The following COL19A1 variants were observed in gnomAD, a reference collection of about 807,000 sequenced individuals.
The protein encoded by COL19A1 is collagen alpha-1(XIX) chain.
Under a neutral mutation model 190.2 loss-of-function variants are expected in COL19A1, and 159 were observed. That is an observed-to-expected ratio of 0.84 (90% CI 0.73 to 0.95). COL19A1 has a LOEUF of 0.95. Among genes scored for constraint, COL19A1 ranks in the 40% least tolerant of loss-of-function variants. The probability of loss-of-function intolerance (pLI) is 0.00; values close to 1 mark genes in which losing one functional copy is unlikely to be tolerated. For missense variants in COL19A1, 1,418 were observed against 1,431.9 expected, an observed-to-expected ratio of 0.99 and a Z score of 0.16; for synonymous variants, 509 against 458.9, an observed-to-expected ratio of 1.11 and a Z score of -1.39.
chr6:70,021,808 T>A (rs1424216151), intron 11 of COL19A1, among the ~76,000 whole-genome samples: 3 of 152,186 alleles, frequency 2.0e-5, no homozygotes, highest in Admixed American at 2.0e-4. Flanking sequence ...AATTTAGTTT[T>A]AATTTTAGTA....
chr6:69,934,490 C>G lies in COL19A1; in HGVS notation c.747+1627C>G, dbSNP rs1475459332. 2.0e-5 allele frequency among the ~76,000 whole-genome samples: 3 copies of G among 151,910 alleles called. No individual in the cohort carries two copies. In the East Asian group the frequency reaches 5.8e-4, roughly 29 times the overall value. ...ATATAATTAGCCAGTAATCACTGCC[C>G]TTTATCATTATATTAATGTAATAGA... On this transcript the variant is annotated intron_variant, in intron 7 of 50. Transcript: ENST00000620364.
intron 31 of COL19A1, 80 bp from the exon 32 acceptor site, chr6:70,156,047 A>G (rs1787408866): frequency 8.0e-7 from 1 of 1,253,210 alleles, no homozygotes; most frequent in African/African-American, 1.5e-5. Context: ...GGTTCCAAAA[A>G]AACTTCACAT....
rs1424291781 is a variant in COL19A1, at chr6:69,996,944, A to G, written c.1027-26683A>G. On this transcript the variant is annotated intron_variant, in intron 11 of 50. Coordinates refer to ENST00000620364, the MANE Select transcript of COL19A1 (RefSeq NM_001858.6). ...TGTGTGTGTGTGTGTGTGTGTATAT[A>G]TATGTATGTACATATATAGTATGTG... 3.4e-5 allele frequency among the ~76,000 whole-genome samples: 5 copies of G among 147,892 alleles called. No homozygotes were observed. In the East Asian group the frequency reaches 1.0e-3, roughly 30 times the overall value.
chr6:70,112,924 T>C (rs567001378), intron 16 of COL19A1, among the ~76,000 whole-genome samples: 1 of 152,316 alleles, frequency 6.6e-6, no homozygotes, highest in East Asian at 1.9e-4. Flanking sequence ...AAGTGAACAC[T>C]TTCCTGGAAT....
intron 48 of COL19A1, among the ~76,000 whole-genome samples, chr6:70,196,009 T>G (rs1212366397): frequency 6.6e-6 from 1 of 152,172 alleles, no homozygotes; most frequent in Non-Finnish European, 1.5e-5. Context: ...CCCATGATAG[T>G]TCAAAGCAAC....
chr6:69,896,406 G>A (rs1177162929), intron 2 of COL19A1, among the ~76,000 whole-genome samples: 10 of 151,460 alleles, frequency 6.6e-5, no homozygotes, highest in African/African-American at 1.5e-4. Flanking sequence ...GCGCGGTGGC[G>A]GGTGCCTGTA....
chr6:69,935,055 A>C (rs191265270), intron 7 of COL19A1, among the ~76,000 whole-genome samples: 14 of 152,130 alleles, frequency 9.2e-5, no homozygotes, highest in African/African-American at 1.2e-4. Flanking sequence ...GATCACCTAT[A>C]AAGATGCTTC....
At chr6:70,116,217 G>T (rs1405122695) in intron 16 of COL19A1, among the ~76,000 whole-genome samples, 1 of 152,110 alleles carries the variant, frequency 6.6e-6, no homozygotes, top group Non-Finnish European at 1.5e-5. Flanking sequence ...ATCTAAATCT[G>T]TTGGTCTTGT....
chr6:70,088,915 CGATT>C (rs1212776336), intron 15 of COL19A1, among the ~76,000 whole-genome samples: 1 of 152,056 alleles, frequency 6.6e-6, no homozygotes, highest in Non-Finnish European at 1.5e-5. Context: ...TCTGTAACTT[CGATT>C]GTTTCCAACA....
intron 1 of COL19A1, among the ~76,000 whole-genome samples, chr6:69,876,837 T>C (rs1393036540): frequency 6.6e-6 from 1 of 152,190 alleles, no homozygotes; most frequent in East Asian, 1.9e-4. Flanking sequence ...AGGATAATTT[T>C]GCAAAGTCAT....
At chr6:69,954,348 A>T (rs1482297038) in intron 9 of COL19A1, among the ~76,000 whole-genome samples, 1 of 151,992 alleles carries the variant, frequency 6.6e-6, no homozygotes, top group East Asian at 1.9e-4. Flanking sequence ...GACCCAGCGT[A>T]TGGTACCTGG....
At chr6:69,909,145 T>A (rs1028378429) in intron 4 of COL19A1, among the ~76,000 whole-genome samples, 1 of 152,144 alleles carries the variant, frequency 6.6e-6, no homozygotes, top group Non-Finnish European at 1.5e-5. Flanking sequence ...GAAGCTGCAA[T>A]TCATTTACAA....
At chr6:70,158,929 A>G (rs1381198460) in intron 34 of COL19A1, among the ~76,000 whole-genome samples, 3 of 152,030 alleles carry the variant, frequency 2.0e-5, no homozygotes, top group African/African-American at 7.2e-5. Flanking sequence ...AAATTATCTT[A>G]TTGCCCTTTA....
intron 4 of COL19A1, among the ~76,000 whole-genome samples, chr6:69,922,130 G>A (rs1400718650): frequency 1.3e-5 from 2 of 151,790 alleles, no homozygotes; most frequent in Non-Finnish European, 2.9e-5. Flanking sequence ...TAGTTTGTAA[G>A]AGTAGATTTT....
chr6:70,059,889 T>C (rs1780722164), intron 14 of COL19A1: 1 of 374,930 alleles, frequency 2.7e-6, no homozygotes. Context: ...GTAGAAAACA[T>C]TGATAGGCAT....
intron 42 of COL19A1, 83 bp downstream of exon 42, chr6:70,176,647 G>T: frequency 7.4e-7 from 1 of 1,360,320 alleles, no homozygotes; most frequent in Non-Finnish European, 1.0e-6. Context: ...ATCAAGACAG[G>T]CAGGAGAGCA....
chr6:70,112,637 A>G (rs1784347328), intron 16 of COL19A1, among the ~76,000 whole-genome samples: 1 of 152,178 alleles, frequency 6.6e-6, no homozygotes. Context: ...CTTAGAAAAC[A>G]AAGTGTTAAA....
At chr6:70,114,542 T>C (rs1784458565) in intron 16 of COL19A1, among the ~76,000 whole-genome samples, 1 of 152,254 alleles carries the variant, frequency 6.6e-6, no homozygotes, top group Admixed American at 6.5e-5. Flanking sequence ...GTAACTATTG[T>C]TATTTATTAA....
intron 9 of COL19A1, among the ~76,000 whole-genome samples, chr6:69,943,738 G>A (rs1343507583): frequency 1.3e-5 from 2 of 152,106 alleles, no homozygotes; most frequent in African/African-American, 4.8e-5. Flanking sequence ...GGGTTCTCTA[G>A]TGTGTTCCAT....
Sources: gnomAD v4.1 joint callset for allele counts (sites outside exome capture counted in the v4.1 genomes callset) on GRCh38, gnomAD v4.1.1 for gene constraint, MANE v1.5 for transcripts, NCBI Gene and HGNC (gene_info 2026-07-23, HGNC 2026-07-21) for gene names.